The following SMAP1 variants were observed in gnomAD, a reference collection of about 807,000 sequenced individuals.
SMAP1 encodes small ArfGAP 1, also known as stromal membrane-associated protein 1.
A neutral mutation model predicts 58.5 loss-of-function variants in SMAP1; 24 were observed. The ratio of observed to expected loss-of-function variants is 0.41; its 90% confidence interval spans 0.30 to 0.58. The LOEUF is 0.58. Among genes scored for constraint, SMAP1 ranks in the 20% least tolerant of loss-of-function variants. SMAP1 has a pLI of 0.29. For synonymous variants in SMAP1, 216 were observed against 196.6 expected (o/e 1.10, Z -0.82); for missense variants, 563 against 566.3 (o/e 0.99, Z 0.06).
chr6:70,861,570 A>G lies in SMAP1; in HGVS notation c.*1236A>G, dbSNP rs1439230705. The G allele has an allele frequency of 2.5e-6, 3 of 1,185,892 alleles. No individual in the cohort carries two copies. Among genetic ancestry groups the G allele is most frequent in the African/African-American group, 3.0e-5 (2 of 65,820 alleles). 73.5% of individuals were successfully genotyped at this position (1,185,892 alleles called of 1,614,324 possible). A position where few individuals can be genotyped will look rare whatever the true frequency, so the allele number is the denominator to read the frequency against. On this transcript the variant is annotated 3_prime_UTR_variant, in exon 11 of 11. Coordinates refer to ENST00000370455, the MANE Select transcript of SMAP1 (RefSeq NM_001044305.3). The stretch of plus-strand genomic sequence containing the variant: ...AAGGCTGCTGTACTGAAGTAAAACA[A>G]ACAATACCTGAATGCTCTGTAGCCT...
At chr6:70,675,209 T>G (rs75239634) in intron 1 of SMAP1, among the ~76,000 whole-genome samples, 20 of 80,716 alleles carry the variant, frequency 2.5e-4, no homozygotes, top group Admixed American at 6.0e-4. Flanking sequence ...TTTTTTTTTT[T>G]TTTTTTTTTT....
At chr6:70,731,439 T>A (rs1192231628) in intron 1 of SMAP1, among the ~76,000 whole-genome samples, 1 of 152,234 alleles carries the variant, frequency 6.6e-6, no homozygotes, top group Non-Finnish European at 1.5e-5. Context: ...AGTTCATATA[T>A]GCGTATTATA....
chr6:70,780,387 G>A (rs1767713802), intron 4 of SMAP1, among the ~76,000 whole-genome samples: 1 of 152,084 alleles, frequency 6.6e-6, no homozygotes, highest in Admixed American at 6.5e-5. Flanking sequence ...ACCAGTTTGG[G>A]TAACATGGCA....
intron 1 of SMAP1, among the ~76,000 whole-genome samples, chr6:70,708,762 T>G (rs1447931170): frequency 6.6e-6 from 1 of 152,228 alleles, no homozygotes. Flanking sequence ...TTTTATGCCT[T>G]CTTTGGAAAA....
intron 1 of SMAP1, among the ~76,000 whole-genome samples, chr6:70,677,210 G>A (rs1309376331): frequency 7.1e-6 from 1 of 141,650 alleles, no homozygotes. Context: ...TATATCCTTA[G>A]GTCAGATACT....
At chr6:70,701,394 A>G (rs1337058770) in intron 1 of SMAP1, among the ~76,000 whole-genome samples, 2 of 152,068 alleles carry the variant, frequency 1.3e-5, no homozygotes, top group African/African-American at 4.8e-5. Context: ...CGTGCACCCA[A>G]AGTCCACTGG....
chr6:70,716,075 C>T (rs1282467982), intron 1 of SMAP1, among the ~76,000 whole-genome samples: 2 of 152,214 alleles, frequency 1.3e-5, no homozygotes, highest in Admixed American at 6.5e-5. Flanking sequence ...TCATTCCTTT[C>T]TATGGCTTAG....
chr6:70,820,480 G>A (rs1001409256), intron 6 of SMAP1, among the ~76,000 whole-genome samples: 1 of 152,156 alleles, frequency 6.6e-6, no homozygotes, highest in African/African-American at 2.4e-5. Flanking sequence ...GGGAGGCCGA[G>A]GCGGGCGGAT....
intron 4 of SMAP1, among the ~76,000 whole-genome samples, chr6:70,788,609 G>A (rs973202821): frequency 2.6e-5 from 4 of 152,138 alleles, no homozygotes; most frequent in Non-Finnish European, 5.9e-5. Flanking sequence ...GGAACTAATA[G>A]AAGCATGGGT....
intron 8 of SMAP1, among the ~76,000 whole-genome samples, chr6:70,854,617 C>T (rs890050113): frequency 3.3e-5 from 5 of 150,542 alleles, no homozygotes; most frequent in African/African-American, 7.3e-5. Flanking sequence ...AGTGAGACTT[C>T]GTCTGGAAAA....
In SMAP1 at chr6:70,861,638, A is replaced by T. The variant is rs918864878; in HGVS notation, c.*1304A>T. The T allele has an allele frequency of 3.7e-6, 6 of 1,604,928 alleles. No individual in the cohort carries two copies. Among genetic ancestry groups the T allele is most frequent in the Non-Finnish European group, 4.3e-6 (5 of 1,172,456 alleles). ...TTCCATATGGATCCACTGGCTGGAC[A>T]AACTGCACCAGTTGCTGCTTCAATT... On this transcript the variant is annotated 3_prime_UTR_variant, in exon 11 of 11. Coordinates refer to ENST00000370455, the MANE Select transcript of SMAP1 (RefSeq NM_001044305.3).
At chr6:70,810,826 C>T (rs1769353675) in intron 6 of SMAP1, among the ~76,000 whole-genome samples, 1 of 152,192 alleles carries the variant, frequency 6.6e-6, no homozygotes, top group Non-Finnish European at 1.5e-5. Context: ...AGGCATAAGC[C>T]ACTGCACCTG....
intron 6 of SMAP1, among the ~76,000 whole-genome samples, chr6:70,813,642 G>A (rs779484951): frequency 6.6e-6 from 1 of 151,930 alleles, no homozygotes; most frequent in African/African-American, 2.4e-5. Flanking sequence ...GCAGAAGGAC[G>A]TATATATTGA....
intron 1 of SMAP1, among the ~76,000 whole-genome samples, chr6:70,686,721 CAT>C (rs1178203206): frequency 6.6e-6 from 1 of 152,134 alleles, no homozygotes; most frequent in Admixed American, 6.6e-5. Context: ...GGTTTTATAA[CAT>C]ATATCTGCCC....
At chr6:70,725,798 T>G (rs1768756070) in intron 1 of SMAP1, among the ~76,000 whole-genome samples, 1 of 152,242 alleles carries the variant, frequency 6.6e-6, no homozygotes, top group Admixed American at 6.5e-5. Context: ...TTACTTCTTT[T>G]TATCTTGGGT....
intron 2 of SMAP1, among the ~76,000 whole-genome samples, chr6:70,742,015 C>T (rs1161992793): frequency 6.6e-6 from 1 of 152,218 alleles, no homozygotes; most frequent in Non-Finnish European, 1.5e-5. Flanking sequence ...CAGCAGGGGG[C>T]CCTGGCCCTG....
intron 7 of SMAP1, among the ~76,000 whole-genome samples, chr6:70,848,887 T>C (rs1428166023): frequency 6.6e-6 from 1 of 152,252 alleles, no homozygotes; most frequent in Non-Finnish European, 1.5e-5. Flanking sequence ...AACTTGTGTT[T>C]ACCAATTTTG....
At chr6:70,820,616 G>T (rs1299092486) in intron 6 of SMAP1, among the ~76,000 whole-genome samples, 1 of 151,980 alleles carries the variant, frequency 6.6e-6, no homozygotes, top group Non-Finnish European at 1.5e-5. Flanking sequence ...TGAAGCAGGG[G>T]AATTGCTGGA....
rs374354560 is a variant in SMAP1 at position 70,699,821 on chromosome 6, G to C, written c.118+31680G>C. On this transcript the variant is annotated intron_variant, in intron 1 of 10. Coordinates refer to ENST00000370455, the MANE Select transcript of SMAP1 (RefSeq NM_001044305.3). ...AGTGGGCTCCTCTTTGGCCCAGGGT[G>C]GGTCCAGAAATGCCATCCAGGAGCC... 5.3e-5 allele frequency among the ~76,000 whole-genome samples: 8 copies of C among 152,138 alleles called. No individual in the cohort carries two copies. The East Asian group carries it at 1.4e-3, about 26-fold the overall frequency.
Sources: gnomAD v4.1 joint callset for allele counts (sites outside exome capture counted in the v4.1 genomes callset) on GRCh38, gnomAD v4.1.1 for gene constraint, MANE v1.5 for transcripts, NCBI Gene and HGNC (gene_info 2026-07-23, HGNC 2026-07-21) for gene names.